WDR72: variants seen among roughly 807,000 people sequenced by gnomAD.
The protein encoded by WDR72 is WD repeat domain 72, also known as WD repeat-containing protein 72.
WDR72 carries 120 observed loss-of-function variants against 124.2 expected under a neutral mutation model. The ratio of observed to expected loss-of-function variants is 0.97; its 90% confidence interval spans 0.83 to 1.12. The LOEUF is 1.12. WDR72 is among the 50% of genes most tolerant of loss of function. The probability of loss-of-function intolerance (pLI) is 0.00; values close to 1 mark genes in which losing one functional copy is unlikely to be tolerated. For synonymous variants in WDR72, 452 were observed against 441.7 expected, an observed-to-expected ratio of 1.02 and a Z score of -0.29; for missense variants, 1,387 against 1,278.8, an observed-to-expected ratio of 1.08 and a Z score of -1.29.
intron 18 of WDR72, among the ~76,000 whole-genome samples, chr15:53,593,862 G>A (rs12442549): frequency 0.14 from 20,769 of 151,872 alleles, 2,192 homozygotes; most frequent in African/African-American, 0.29. Flanking sequence ...TATAAAATTA[G>A]TATGTAAAAT....
chr15:53,733,581 T>C (rs2169345), intron 1 of WDR72, among the ~76,000 whole-genome samples: 9,392 of 152,236 alleles, frequency 0.062, 992 homozygotes, highest in African/African-American at 0.21. Flanking sequence ...AGGTAATAAA[T>C]ACCTGAAATT....
At chr15:53,667,381 C>A (rs755201681) in intron 13 of WDR72, among the ~76,000 whole-genome samples, 1 of 151,582 alleles carries the variant, frequency 6.6e-6, no homozygotes, top group Non-Finnish European at 1.5e-5. Flanking sequence ...AAGTTCGTCA[C>A]AATGGTATGC....
At chr15:53,565,471 A>G (rs1165643728) in intron 18 of WDR72, among the ~76,000 whole-genome samples, 1 of 151,944 alleles carries the variant, frequency 6.6e-6, no homozygotes, top group Non-Finnish European at 1.5e-5. Flanking sequence ...ATGCATATGC[A>G]ACAATGTGCC....
chr15:53,741,769 A>G (rs893226007), intron 1 of WDR72, among the ~76,000 whole-genome samples: 1 of 150,126 alleles, frequency 6.7e-6, no homozygotes, highest in Non-Finnish European at 1.5e-5. Context: ...TTGCTCTGTC[A>G]CTCACGCTGG....
At chr15:53,694,458 T>G (rs370670842) in intron 13 of WDR72, among the ~76,000 whole-genome samples, 10 of 152,254 alleles carry the variant, frequency 6.6e-5, no homozygotes, top group African/African-American at 2.4e-4. Context: ...GTTAGAACTA[T>G]GTGTAAATTT....
intron 1 of WDR72, among the ~76,000 whole-genome samples, chr15:53,741,889 A>T (rs1363192529): frequency 6.6e-6 from 1 of 152,054 alleles, no homozygotes; most frequent in Non-Finnish European, 1.5e-5. Context: ...CACCACACCT[A>T]GCTAACTTTT....
Position 53,680,275 on chromosome 15 carries a change from G to A in WDR72, c.1766-14507C>T, listed in dbSNP as rs1475583592. The stretch of plus-strand genomic sequence containing the variant: ...TCATGCAATTCCAACCCCAAGCTTG[G>A]CGGATTGTTTTATCTATGCCCTCTA... On this transcript the variant is annotated intron_variant, in intron 13 of 19. Coordinates refer to ENST00000360509, the MANE Select transcript of WDR72 (RefSeq NM_182758.4). Among the ~76,000 whole-genome samples, 5 of 152,206 alleles carry A rather than the reference G, an allele frequency of 3.3e-5. No homozygotes were observed. In the Middle Eastern group the frequency reaches 0.01, roughly 311 times the overall value.
chr15:53,667,493 G>A (rs3885638), intron 13 of WDR72, among the ~76,000 whole-genome samples: 2,029 of 152,212 alleles, frequency 0.013, 32 homozygotes, highest in East Asian at 0.069. Context: ...ATGATTTATA[G>A]ATCAACAAAT....
chr15:53,701,412 A>G (rs1293162537), intron 12 of WDR72, among the ~76,000 whole-genome samples: 1 of 152,028 alleles, frequency 6.6e-6, no homozygotes, highest in Non-Finnish European at 1.5e-5. Context: ...GCTGGACTAC[A>G]TGCCTGTAGT....
At chr15:53,727,341 T>C (rs956577780) in intron 2 of WDR72, among the ~76,000 whole-genome samples, 6 of 152,130 alleles carry the variant, frequency 3.9e-5, no homozygotes, top group Non-Finnish European at 7.3e-5. Flanking sequence ...TTCTGAACTA[T>C]ACGAACATAT....
intron 1 of WDR72, among the ~76,000 whole-genome samples, chr15:53,734,893 T>C (rs774090930): frequency 2.0e-5 from 3 of 151,896 alleles, no homozygotes; most frequent in Non-Finnish European, 2.9e-5. Flanking sequence ...AATACTTTTA[T>C]AATAATTATA....
Position 53,665,653 on chromosome 15 carries a change from T to C in WDR72, c.1881A>G (p.Lys627=). The C allele has an allele frequency of 6.2e-7, 1 of 1,613,900 alleles. No individual in the cohort carries two copies. Among genetic ancestry groups the C allele is most frequent in the Non-Finnish European group, 8.5e-7 (1 of 1,179,878 alleles). The change falls in exon 14 of 20, where the codon AAA becomes AAG. Residue 627 remains lysine, a synonymous_variant. Transcript: ENST00000360509. ...LPIASETLKH[K]SIEQRSSSPY... is the part of the protein sequence containing the mutation. ...GGCTGGAGGATCTCTGTTCTATACT[T>C]TTGTGCTTAAGTGTCTCTGAGGCAA...
intron 5 of WDR72, among the ~76,000 whole-genome samples, 192 bp from the exon 6 acceptor site, chr15:53,714,702 A>G (rs2017654747): frequency 6.6e-6 from 1 of 152,180 alleles, no homozygotes; most frequent in Admixed American, 6.5e-5. Flanking sequence ...TTTCAAAGTG[A>G]TTCCTAGGTA....
chr15:53,670,014 G>A (rs954748491), intron 13 of WDR72, among the ~76,000 whole-genome samples: 3 of 152,054 alleles, frequency 2.0e-5, no homozygotes, highest in Non-Finnish European at 2.9e-5. Flanking sequence ...ACAAGGAAAG[G>A]TGCAGAGACA....
intron 3 of WDR72, among the ~76,000 whole-genome samples, chr15:53,719,610 G>A (rs1017247119): frequency 5.9e-5 from 9 of 152,044 alleles, no homozygotes; most frequent in East Asian, 5.8e-4. Context: ...TAAATTTCCC[G>A]TAACTCTTGA....
At chr15:53,655,717 T>TC (rs1253078081) in intron 14 of WDR72, among the ~76,000 whole-genome samples, 1 of 152,000 alleles carries the variant, frequency 6.6e-6, no homozygotes, top group Non-Finnish European at 1.5e-5. Context: ...GTTTTTTTTT[T>TC]TGAGATGGAG....
rs928817763 is a variant in WDR72 at position 53,540,651 on chromosome 15, T to C, written c.3149-17329A>G. Among the ~76,000 whole-genome samples the C allele has an allele frequency of 4.0e-5, 6 of 151,270 alleles. 1 individual carries two copies. The highest frequency in any genetic ancestry group is 4.2e-4 in the South Asian group (2 of 4,778). On this transcript the variant is annotated intron_variant, in intron 18 of 19. Coordinates refer to ENST00000360509, the MANE Select transcript of WDR72 (RefSeq NM_182758.4). ...GAAGAACAGGAGGAGCCAAGATGGC[T>C]GAATACGAACAGCTCCGGTCTACAG...
Position 53,537,141 on chromosome 15 carries a change from C to A in WDR72, c.3149-13819G>T, listed in dbSNP as rs79407673. On this transcript the variant is annotated intron_variant, in intron 18 of 19. Transcript: ENST00000360509. The stretch of plus-strand genomic sequence containing the variant: ...AGTCCCAGCTTTCTATATTGGTGTG[C>A]TTAATTTTAGGTCATTATCCTTTAT... Among the ~76,000 whole-genome samples, 758 of 152,210 alleles carry A rather than the reference C, an allele frequency of 5.0e-3. 11 individuals are homozygous for A. Among genetic ancestry groups the A allele is most frequent in the African/African-American group, 0.017 (725 of 41,536 alleles).
intron 14 of WDR72, among the ~76,000 whole-genome samples, chr15:53,663,091 A>AAAATAAATAAATAAATAAAT (rs200989036): frequency 2.0e-5 from 3 of 147,928 alleles, no homozygotes; most frequent in African/African-American, 7.5e-5. Context: ...CCTGCCTCTA[A>AAAATAAATAAATAAATAAAT]AAATAAATAA....
Sources: allele counts gnomAD v4.1 joint callset (sites outside exome capture counted in the v4.1 genomes callset), GRCh38; gene constraint gnomAD v4.1.1; transcripts MANE v1.5; gene names NCBI Gene and HGNC (gene_info 2026-07-23, HGNC 2026-07-21).